Variants in FBXL20 observed in about 807,000 individuals in gnomAD.
FBXL20 encodes F-box/LRR-repeat protein 20.
FBXL20 carries 11 observed loss-of-function variants against 64.0 expected under a neutral mutation model. The ratio of observed to expected loss-of-function variants is 0.17; its 90% CI spans 0.11 to 0.28. The LOEUF is 0.28. Ranked by LOEUF, FBXL20 falls within the 10% of genes least tolerant of loss-of-function variation. FBXL20 has a pLI of 1.00. For missense variants in FBXL20, 303 were observed against 526.2 expected, an observed-to-expected ratio of 0.58 and a Z score of 4.15; for synonymous variants, 184 against 189.0, an observed-to-expected ratio of 0.97 and a Z score of 0.22.
chr17:39,286,601 C>T (rs1463938005), intron 6 of FBXL20, among the ~76,000 whole-genome samples: 1 of 152,054 alleles, frequency 6.6e-6, no homozygotes. Context: ...GAGTTCTAGA[C>T]CAGCCTGACC....
chr17:39,380,795 C>G (rs897025637), intron 1 of FBXL20, among the ~76,000 whole-genome samples: 6 of 152,142 alleles, frequency 3.9e-5, no homozygotes, highest in African/African-American at 1.4e-4. Flanking sequence ...TATTTGCTGA[C>G]TGAATTAGTG....
At chr17:39,349,553 A>G (rs765092536) in intron 1 of FBXL20, among the ~76,000 whole-genome samples, 2 of 151,530 alleles carry the variant, frequency 1.3e-5, no homozygotes, top group Non-Finnish European at 2.9e-5. Flanking sequence ...ACACCACTGT[A>G]CTCCAGCCTG....
At chr17:39,401,316 C>T (rs769094095) in intron 1 of FBXL20, 45 bp downstream of exon 1, 12 of 1,611,950 alleles carry the variant, frequency 7.4e-6, no homozygotes, top group Middle Eastern at 1.7e-4. Flanking sequence ...GATTAGAGCG[C>T]GCGACCCGCC....
At chr17:39,295,539 G>C (rs1043507837) in intron 6 of FBXL20, among the ~76,000 whole-genome samples, 1 of 152,144 alleles carries the variant, frequency 6.6e-6, no homozygotes, top group Non-Finnish European at 1.5e-5. Flanking sequence ...ATAGACCTGA[G>C]TCACCGCACT....
chr17:39,388,420 C>T (rs535444573), intron 1 of FBXL20, among the ~76,000 whole-genome samples: 10 of 151,220 alleles, frequency 6.6e-5, no homozygotes, highest in African/African-American at 2.4e-5. Context: ...GATCGCACTA[C>T]TATGGCTCCA....
At chr17:39,269,010 T>C (rs976251356) in intron 11 of FBXL20, 139 bp from the exon 12 acceptor site, 92 of 692,230 alleles carry the variant, frequency 1.3e-4, no homozygotes, top group East Asian at 6.6e-4. Flanking sequence ...GTCATGCTAA[T>C]TTTTTTTTCT....
intron 1 of FBXL20, among the ~76,000 whole-genome samples, chr17:39,349,348 A>C (rs2144586292): frequency 6.7e-6 from 1 of 148,318 alleles, no homozygotes; most frequent in African/African-American, 2.5e-5. Context: ...AAAAAAAAAA[A>C]AAAAGGCTGG....
intron 6 of FBXL20, among the ~76,000 whole-genome samples, chr17:39,286,779 C>T (rs1327529265): frequency 6.6e-6 from 1 of 151,728 alleles, no homozygotes; most frequent in African/African-American, 2.4e-5. Flanking sequence ...GCCTGGGCAA[C>T]AAGAGTGAAA....
At chr17:39,310,281 C>T (rs889401483) in intron 2 of FBXL20, among the ~76,000 whole-genome samples, 1 of 151,970 alleles carries the variant, frequency 6.6e-6, no homozygotes, top group Non-Finnish European at 1.5e-5. Context: ...ACCAGTTTGC[C>T]GATGTCACAG....
chr17:39,391,721 A>C (rs138724166), intron 1 of FBXL20, among the ~76,000 whole-genome samples: 1 of 152,344 alleles, frequency 6.6e-6, no homozygotes, highest in African/African-American at 2.4e-5. Flanking sequence ...CCAAAAAACA[A>C]GATGAAAAAA....
chr17:39,370,754 C>T (rs1473314968), intron 1 of FBXL20, among the ~76,000 whole-genome samples: 1 of 147,994 alleles, frequency 6.8e-6, no homozygotes, highest in Non-Finnish European at 1.5e-5. Flanking sequence ...GAGATCGCGC[C>T]ACTGCACTCC....
At chr17:39,356,075 G>A (rs958441551) in intron 1 of FBXL20, among the ~76,000 whole-genome samples, 6 of 150,692 alleles carry the variant, frequency 4.0e-5, no homozygotes, top group Non-Finnish European at 5.9e-5. Flanking sequence ...GTAGCCAGGC[G>A]TGGTGGCATC....
intron 1 of FBXL20, among the ~76,000 whole-genome samples, chr17:39,377,523 C>T (rs7221117): frequency 0.18 from 27,485 of 148,904 alleles, 2,746 homozygotes; most frequent in Admixed American, 0.24. Flanking sequence ...TTTTTTGAGA[C>T]GGAGTCTTGC....
intron 2 of FBXL20, among the ~76,000 whole-genome samples, chr17:39,327,732 G>C (rs944393441): frequency 6.6e-6 from 1 of 151,848 alleles, no homozygotes; most frequent in African/African-American, 2.4e-5. Flanking sequence ...ACGGAATCTC[G>C]CTCTGTCGCC....
intron 1 of FBXL20, among the ~76,000 whole-genome samples, chr17:39,344,351 CAAAA>C (rs143333496): frequency 1.0e-5 from 1 of 97,114 alleles, no homozygotes. Flanking sequence ...AACCCCTCTC[CAAAA>C]AAAAAAAAAA....
intron 2 of FBXL20, among the ~76,000 whole-genome samples, chr17:39,314,167 T>C (rs2047262810): frequency 2.0e-5 from 3 of 152,192 alleles, no homozygotes; most frequent in Admixed American, 2.0e-4. Flanking sequence ...GCACATTTCA[T>C]ATAAATGGAA....
At chr17:39,384,983 C>T (rs183708887) in intron 1 of FBXL20, among the ~76,000 whole-genome samples, 1 of 152,186 alleles carries the variant, frequency 6.6e-6, no homozygotes, top group Admixed American at 6.6e-5. Flanking sequence ...TAAATAGATG[C>T]ATAATTTATA....
intron 1 of FBXL20, among the ~76,000 whole-genome samples, chr17:39,348,331 C>CT (rs2047654046): frequency 6.6e-6 from 1 of 152,100 alleles, no homozygotes; most frequent in Non-Finnish European, 1.5e-5. Flanking sequence ...CATGGTGACG[C>CT]ACACCTGTAG....
At chr17:39,296,421 G>A (rs773821703) in intron 6 of FBXL20, among the ~76,000 whole-genome samples, 3 of 151,824 alleles carry the variant, frequency 2.0e-5, no homozygotes, top group Admixed American at 6.6e-5. Flanking sequence ...TAAGCCGGGC[G>A]TGGTGGCACG....
Sources: allele counts gnomAD v4.1 joint callset (sites outside exome capture counted in the v4.1 genomes callset), GRCh38; gene constraint gnomAD v4.1.1; transcripts MANE v1.5; gene names NCBI Gene and HGNC (gene_info 2026-07-23, HGNC 2026-07-21).